FLNB: variants seen among roughly 807,000 people sequenced by gnomAD.
FLNB encodes the protein filamin-B.
FLNB carries 111 observed loss-of-function variants against 250.6 expected under a neutral mutation model. That is an observed-to-expected ratio of 0.44 (90% confidence interval 0.38 to 0.52). The LOEUF (loss-of-function observed/expected upper bound fraction) is 0.52. FLNB is among the 20% of genes least tolerant of loss of function. FLNB has a pLI of 0.00. For synonymous variants in FLNB, 1,302 were observed against 1,372.1 expected (o/e 0.95, Z 1.13); for missense variants, 2,869 against 3,447.8 (o/e 0.83, Z 4.20).
chr3:58,062,998 C>T (rs896615127), intron 1 of FLNB, among the ~76,000 whole-genome samples: 1 of 152,182 alleles, frequency 6.6e-6, no homozygotes, highest in Non-Finnish European at 1.5e-5. Flanking sequence ...TGCTTGCTTG[C>T]TTTACTCCAT....
chr3:58,011,332 C>G (rs1359732462), intron 1 of FLNB, among the ~76,000 whole-genome samples: 2 of 152,240 alleles, frequency 1.3e-5, no homozygotes, highest in African/African-American at 2.4e-5. Flanking sequence ...CAGCTTCTTC[C>G]TGTTCCTACC....
intron 7 of FLNB, among the ~76,000 whole-genome samples, 177 bp downstream of exon 7, chr3:58,098,154 A>G (rs1348954737): frequency 6.6e-6 from 1 of 152,194 alleles, no homozygotes; most frequent in African/African-American, 2.4e-5. Flanking sequence ...TCTTCTCTAA[A>G]ATACTCAGGC....
intron 4 of FLNB, among the ~76,000 whole-genome samples, chr3:58,084,943 T>C (rs915370730): frequency 4.6e-5 from 7 of 152,238 alleles, no homozygotes; most frequent in African/African-American, 9.6e-5. Context: ...TGTCTTTTTT[T>C]CTCTGGCTTA....
rs759532391 is a variant in FLNB at position 58,110,178 on chromosome 3, G to A, written c.2484+8G>A. ...GTTCTCTTTGCATCTCAGGTACGTGGTGGGGCCTGGGAGGAGATGGGTGGA... is the reference window on the plus strand; with the variant it reads ...GTTCTCTTTGCATCTCAGGTACGTGATGGGGCCTGGGAGGAGATGGGTGGA... On this transcript the variant is annotated splice_region_variant and intron_variant, in intron 16 of 45. Coordinates refer to ENST00000295956, the MANE Select transcript of FLNB (RefSeq NM_001457.4). 5.0e-6 allele frequency: 8 copies of A among 1,614,052 alleles called. No individual in the cohort carries two copies. The highest frequency in any genetic ancestry group is 1.1e-5 in the South Asian group (1 of 91,084).
chr3:58,065,925 A>G lies in FLNB; in HGVS notation c.293-11121A>G, dbSNP rs2097184883. Among the ~76,000 whole-genome samples the G allele has an allele frequency of 2.0e-5, 3 of 152,192 alleles. No homozygotes were observed. The South Asian group carries it at 6.2e-4, about 32-fold the overall frequency. Reference sequence around the variant, plus strand: ...CGAGCAGTTGTAGCTGGAAGCTGTGAGCGAGACACAGACTGCCATCAGGCT... The same window carrying G: ...CGAGCAGTTGTAGCTGGAAGCTGTGGGCGAGACACAGACTGCCATCAGGCT... On this transcript the variant is annotated intron_variant, in intron 1 of 45. Coordinates refer to ENST00000295956, the MANE Select transcript of FLNB (RefSeq NM_001457.4).
intron 9 of FLNB, among the ~76,000 whole-genome samples, chr3:58,103,548 A>C (rs1255807337): frequency 2.0e-5 from 3 of 152,228 alleles, no homozygotes; most frequent in African/African-American, 7.2e-5. Context: ...ACTGAACCTA[A>C]AACTCATACC....
intron 11 of FLNB, 68 bp downstream of exon 11, chr3:58,105,284 G>A: frequency 1.2e-6 from 2 of 1,605,664 alleles, no homozygotes; most frequent in Non-Finnish European, 1.7e-6. Flanking sequence ...GGCTGTGTCA[G>A]GCTGGATGTT....
intron 1 of FLNB, among the ~76,000 whole-genome samples, chr3:58,058,449 C>G (rs927726397): frequency 6.9e-6 from 1 of 144,174 alleles, no homozygotes; most frequent in African/African-American, 3.0e-5. Flanking sequence ...ACATATTGCT[C>G]TAAAGGAAAC....
intron 1 of FLNB, among the ~76,000 whole-genome samples, chr3:58,064,076 C>A (rs895530500): frequency 6.6e-6 from 1 of 152,050 alleles, no homozygotes; most frequent in Non-Finnish European, 1.5e-5. Context: ...GCCAATTTAA[C>A]TTTCTCATTT....
intron 1 of FLNB, among the ~76,000 whole-genome samples, chr3:58,067,572 G>GTTTTTTTTTT (rs11400987): frequency 1.4e-5 from 2 of 145,142 alleles, no homozygotes; most frequent in African/African-American, 5.2e-5. Flanking sequence ...TAACAAAGAG[G>GTTTTTTTTTT]TTTTTTTTGT....
In FLNB at chr3:58,106,818, A is replaced by G. The variant is rs770637379; in HGVS notation, c.1886A>G (p.Asp629Gly). Residue 629 changes from aspartate to glycine, a missense_variant, in exon 12 of 46, where the codon GAC (aspartate) becomes GGC (glycine). Asp to Gly is a moderately conservative substitution (Grantham distance 94, BLOSUM62 -1). This residue lies in a region of FLNB where 1,348 missense variants were observed against 1,466.7 expected (regional missense o/e 0.92). Transcript: ENST00000295956. ...HIMCDDEDIKDSPYMAFIHPA... is the reference protein window; with the variant it reads ...HIMCDDEDIKGSPYMAFIHPA... ...ATGTGTGACGACGAAGACATCAAGGACAGCCCGTACATGGCCTTCATCCAC... is the reference window on the plus strand; with the variant it reads ...ATGTGTGACGACGAAGACATCAAGGGCAGCCCGTACATGGCCTTCATCCAC... The G allele has an allele frequency of 1.9e-6, 3 of 1,614,080 alleles. No individual in the cohort carries two copies. Among genetic ancestry groups the G allele is most frequent in the Non-Finnish European group, 2.5e-6 (3 of 1,180,016 alleles).
chr3:58,159,753 G>T, intron 42 of FLNB, 67 bp downstream of exon 42: 2 of 1,553,202 alleles, frequency 1.3e-6, no homozygotes, highest in Non-Finnish European at 1.8e-6. Flanking sequence ...CTGTAAATGT[G>T]TGTCCCAAGG....
At chr3:58,034,330 C>T (rs2097135046) in intron 1 of FLNB, among the ~76,000 whole-genome samples, 1 of 152,114 alleles carries the variant, frequency 6.6e-6, no homozygotes, top group Non-Finnish European at 1.5e-5. Flanking sequence ...TTTACATTTC[C>T]ACGAGCAGTG....
At chr3:58,095,316 C>T (rs941808596) in intron 5 of FLNB, among the ~76,000 whole-genome samples, 4 of 152,160 alleles carry the variant, frequency 2.6e-5, no homozygotes, top group South Asian at 2.1e-4. Flanking sequence ...TCTTGGCTCA[C>T]GGCAACATTC....
intron 33 of FLNB, among the ~76,000 whole-genome samples, chr3:58,146,468 G>A (rs1021083402): frequency 6.6e-6 from 1 of 152,232 alleles, no homozygotes; most frequent in Non-Finnish European, 1.5e-5. Context: ...ATGGCAGCCA[G>A]TGCCTGATGG....
At position 58,142,964 on chromosome 3, in the gene FLNB, G is replaced by A. The variant is rs1301261324; in HGVS notation, c.5284+212G>A. ...TGAAGAAGTGGCTCACTGACAACTTGCATTACTTTCTTGAGCAGTCCCATG... is the reference window on the plus strand; with the variant it reads ...TGAAGAAGTGGCTCACTGACAACTTACATTACTTTCTTGAGCAGTCCCATG... On this transcript the variant is annotated intron_variant, in intron 31 of 45. Coordinates refer to ENST00000295956, the MANE Select transcript of FLNB (RefSeq NM_001457.4). The surrounding 1 kb of genome is among the most constrained non-coding windows in gnomAD (Gnocchi z 4.3). Among the ~76,000 whole-genome samples, 1 of 152,204 alleles carries A rather than the reference G, an allele frequency of 6.6e-6. No individual in the cohort carries two copies. Among genetic ancestry groups the A allele is most frequent in the Admixed American group, 6.5e-5 (1 of 15,284 alleles).
In FLNB at chr3:58,023,111, C is replaced by CTTT. The variant is rs61047967; in HGVS notation, c.292+14271_292+14273dup. Reference sequence around the variant, plus strand: ...TCAGGCTTGAGCCACCGAACTCGGCCTTTTTTTTTTTTTTTTTTGAAATGA... The same window carrying CTTT: ...TCAGGCTTGAGCCACCGAACTCGGCCTTTTTTTTTTTTTTTTTTTTTGAAATGA... On this transcript the variant is annotated intron_variant, in intron 1 of 45. Transcript: ENST00000295956. Among the ~76,000 whole-genome samples, 32 of 97,376 alleles carry CTTT rather than the reference C, an allele frequency of 3.3e-4. No homozygotes were observed. In the South Asian group the frequency reaches 7.4e-3, roughly 23 times the overall value. 63.9% of individuals were successfully genotyped at this position (97,376 alleles called of 152,430 possible). A position where few individuals can be genotyped will look rare whatever the true frequency, so the allele number is the denominator to read the frequency against.
At chr3:58,094,648 A>G (rs1324320653) in intron 4 of FLNB, among the ~76,000 whole-genome samples, 188 bp from the exon 5 acceptor site, 2 of 152,198 alleles carry the variant, frequency 1.3e-5, no homozygotes, top group East Asian at 1.9e-4. Flanking sequence ...TATTACTTCA[A>G]TAACATGGGC....
chr3:58,080,016 G>A (rs1327179039), intron 3 of FLNB, among the ~76,000 whole-genome samples: 1 of 152,172 alleles, frequency 6.6e-6, no homozygotes, highest in East Asian at 1.9e-4. Flanking sequence ...GGTGTGGTGT[G>A]TTTTTCATCT....
Sources: allele counts gnomAD v4.1 joint callset (sites outside exome capture counted in the v4.1 genomes callset), GRCh38; gene constraint gnomAD v4.1.1; regional missense constraint gnomAD v4.1.1; non-coding constraint Gnocchi (gnomAD v3.1); transcripts MANE v1.5; gene names NCBI Gene and HGNC (gene_info 2026-07-23, HGNC 2026-07-21).